The following CFAP54 variants were observed in gnomAD, a reference collection of about 807,000 sequenced individuals.
CFAP54 encodes cilia and flagella associated protein 54, also known as cilia- and flagella-associated protein 54.
Under a neutral mutation model 370.4 loss-of-function variants are expected in CFAP54, and 290 were observed. The ratio of observed to expected loss-of-function variants is 0.78; its 90% confidence interval spans 0.71 to 0.86. The LOEUF (loss-of-function observed/expected upper bound fraction) is 0.86. Ranked by LOEUF, CFAP54 falls within the 40% of genes least tolerant of loss-of-function variation. The pLI is 0.00. For synonymous variants in CFAP54, 1,206 were observed against 1,236.5 expected, an observed-to-expected ratio of 0.98 and a Z score of 0.52; for missense variants, 3,399 against 3,528.7, an observed-to-expected ratio of 0.96 and a Z score of 0.93.
intron 5 of CFAP54, among the ~76,000 whole-genome samples, chr12:96,515,575 G>C (rs1008356463): frequency 6.6e-6 from 1 of 152,208 alleles, no homozygotes; most frequent in African/African-American, 2.4e-5. Context: ...CCGTGTGTGA[G>C]ATGTCCTGGG....
chr12:96,802,384 C>G (rs1339251004), intron 63 of CFAP54, among the ~76,000 whole-genome samples: 1 of 152,118 alleles, frequency 6.6e-6, no homozygotes, highest in Non-Finnish European at 1.5e-5. Context: ...GCCCACCCAG[C>G]TAAGGGAGGA....
chr12:96,538,871 G>A (rs755328041), intron 13 of CFAP54, among the ~76,000 whole-genome samples: 5 of 151,358 alleles, frequency 3.3e-5, no homozygotes, highest in Non-Finnish European at 7.4e-5. Flanking sequence ...CCACAGCTCA[G>A]CCTCCCTAGT....
In CFAP54 at chr12:96,619,505, A is replaced by T. The variant is rs980262434; in HGVS notation, c.3640-2085A>T. The stretch of plus-strand genomic sequence containing the variant: ...TTTTTTCTAACATGCCACTTGTGAG[A>T]TTTGCCATCTTCAATGTGTCATTAC... On this transcript the variant is annotated intron_variant, in intron 26 of 67. Transcript: ENST00000524981. Among the ~76,000 whole-genome samples the T allele has an allele frequency of 3.3e-5, 5 of 152,082 alleles. No homozygotes were observed. The East Asian group carries it at 7.7e-4, about 23-fold the overall frequency.
At chr12:96,699,750 T>C (rs1407555078) in intron 45 of CFAP54, among the ~76,000 whole-genome samples, 1 of 152,226 alleles carries the variant, frequency 6.6e-6, no homozygotes, top group Non-Finnish European at 1.5e-5. Flanking sequence ...AACAGCCGCC[T>C]GCTGTTGTTA....
intron 42 of CFAP54, 32 bp from the exon 43 acceptor site, chr12:96,688,884 C>A: frequency 7.4e-7 from 1 of 1,349,336 alleles, no homozygotes; most frequent in Non-Finnish European, 1.0e-6. Context: ...AAAATTTCTA[C>A]TAATCAATTT....
At position 96,598,710 on chromosome 12, in the gene CFAP54, T is replaced by C. The variant is rs147435428; in HGVS notation, c.3582T>C (p.Thr1194=). 7,788 of 683,962 alleles carry C rather than the reference T, an allele frequency of 0.011. 84 individuals are homozygous for C. The highest frequency in any genetic ancestry group is 0.017 in the Non-Finnish European group (6,197 of 374,296). The allele number at this position is 683,962 out of a possible 1,614,324, so 42.4% of individuals were successfully genotyped here. The change falls in exon 26 of 68, where the codon ACT becomes ACC. Residue 1194 remains threonine, a synonymous_variant. Coordinates refer to ENST00000524981, the MANE Select transcript of CFAP54 (RefSeq NM_001306084.2). ...GTATTGTCTGCTCGAAGAAACATAC[T>C]GCGAGCTTTGAAAGTATACAACACA... ...LPSIVCSKKH[T]ASFESIQHMI... is the part of the protein sequence containing the mutation.
chr12:96,775,977 T>C (rs534096933), intron 60 of CFAP54, among the ~76,000 whole-genome samples: 111 of 152,338 alleles, frequency 7.3e-4, no homozygotes, highest in African/African-American at 2.6e-3. Context: ...AGTATTTTTC[T>C]TGTAATAGGT....
intron 17 of CFAP54, among the ~76,000 whole-genome samples, chr12:96,562,939 C>T (rs1955831215): frequency 6.6e-6 from 1 of 152,114 alleles, no homozygotes; most frequent in Non-Finnish European, 1.5e-5. Flanking sequence ...TTTTCTAATA[C>T]ATAAATGAAT....
chr12:96,778,969 G>A (rs796665650), intron 60 of CFAP54, among the ~76,000 whole-genome samples: 15 of 151,864 alleles, frequency 9.9e-5, no homozygotes, highest in Admixed American at 4.6e-4. Context: ...TTAGCCAGGC[G>A]TGGGGGCAGG....
chr12:96,606,147 T>C (rs1463877034), intron 26 of CFAP54, among the ~76,000 whole-genome samples: 36 of 152,208 alleles, frequency 2.4e-4, no homozygotes. Flanking sequence ...GATAGATTTA[T>C]GGAGCTGAGC....
chr12:96,746,580 C>T (rs1958116279), intron 55 of CFAP54, among the ~76,000 whole-genome samples: 1 of 152,196 alleles, frequency 6.6e-6, no homozygotes, highest in Non-Finnish European at 1.5e-5. Context: ...TCTCTGGTTT[C>T]CTATCCATAA....
At chr12:96,521,653 A>C (rs753265010) in intron 6 of CFAP54, among the ~76,000 whole-genome samples, 2 of 152,068 alleles carry the variant, frequency 1.3e-5, no homozygotes, top group Admixed American at 6.6e-5. Flanking sequence ...AAATTTCATA[A>C]TTCCTAAAGT....
intron 55 of CFAP54, among the ~76,000 whole-genome samples, chr12:96,750,384 T>C (rs1811581522): frequency 6.6e-6 from 1 of 152,246 alleles, no homozygotes; most frequent in East Asian, 1.9e-4. Context: ...CTATCAACTG[T>C]GCAGAATCTC....
chr12:96,557,476 A>G (rs748735411), intron 17 of CFAP54, among the ~76,000 whole-genome samples: 39 of 152,122 alleles, frequency 2.6e-4, no homozygotes, highest in Non-Finnish European at 5.0e-4. Context: ...TACACCAACT[A>G]CAGATAGAAG....
At chr12:96,828,080 T>A (rs901865209) in intron 65 of CFAP54, among the ~76,000 whole-genome samples, 1 of 131,152 alleles carries the variant, frequency 7.6e-6, no homozygotes, top group African/African-American at 2.9e-5. Flanking sequence ...AATTATATAT[T>A]ATATATATTA....
chr12:96,733,308 T>C (rs1957942841), intron 50 of CFAP54, among the ~76,000 whole-genome samples: 1 of 152,088 alleles, frequency 6.6e-6, no homozygotes, highest in South Asian at 2.1e-4. Flanking sequence ...TGTTGGACAG[T>C]CCCTTTTTTA....
At position 96,628,936 on chromosome 12, in the gene CFAP54, A is replaced by C. The variant is rs1170561914; in HGVS notation, c.4104-1157A>C. On this transcript the variant is annotated intron_variant, in intron 30 of 67. Transcript: ENST00000524981. ...ACGAAGAAATATAAATTCAAAAAAA[A>C]AAAATAGAAATTTCAGGAAAAATAG... is the stretch of plus-strand genomic sequence containing the variant. Among the ~76,000 whole-genome samples the C allele has an allele frequency of 2.0e-5, 3 of 152,282 alleles. No homozygotes were observed. In the East Asian group the frequency reaches 5.8e-4, roughly 29 times the overall value.
intron 26 of CFAP54, among the ~76,000 whole-genome samples, chr12:96,619,696 G>T (rs138848817): frequency 2.1e-4 from 32 of 152,252 alleles, no homozygotes; most frequent in African/African-American, 7.2e-4. Flanking sequence ...GGAAAAGATT[G>T]CCCAGTTATC....
intron 20 of CFAP54, among the ~76,000 whole-genome samples, chr12:96,578,287 C>T (rs1340638498): frequency 6.6e-6 from 1 of 152,070 alleles, no homozygotes; most frequent in African/African-American, 2.4e-5. Context: ...CTTCATAGTG[C>T]TTTATAATTG....
Sources: gnomAD v4.1 joint callset for allele counts (sites outside exome capture counted in the v4.1 genomes callset) on GRCh38, gnomAD v4.1.1 for gene constraint, MANE v1.5 for transcripts, NCBI Gene and HGNC (gene_info 2026-07-23, HGNC 2026-07-21) for gene names.